CDK7: variants seen among roughly 807,000 people sequenced by gnomAD.
CDK7 encodes the protein cyclin dependent kinase 7, also known as cyclin-dependent kinase 7.
CDK7 carries 25 observed loss-of-function variants against 49.1 expected under a neutral mutation model. The observed-to-expected ratio is 0.51, with a 90% confidence interval of 0.37 to 0.71. The LOEUF (loss-of-function observed/expected upper bound fraction) is 0.71. Ranked by LOEUF, CDK7 falls within the 30% of genes least tolerant of loss-of-function variation. The pLI, the probability that CDK7 is intolerant of heterozygous loss-of-function variation, is 0.00. For missense variants in CDK7, 316 were observed against 411.7 expected (o/e 0.77, Z 2.01); for synonymous variants, 107 against 140.0 (o/e 0.76, Z 1.67).
At chr5:69,269,351 TGTC>T in intron 9 of CDK7, 58 bp downstream of exon 9, 1 of 1,170,876 alleles carries the variant, frequency 8.5e-7, no homozygotes, top group Non-Finnish European at 1.3e-6. Context: ...GTTCTTAAAC[TGTC>T]ATATACTTTA....
At chr5:69,275,888 G>T (rs1752079419) in intron 10 of CDK7, among the ~76,000 whole-genome samples, 1 of 151,994 alleles carries the variant, frequency 6.6e-6, no homozygotes, top group South Asian at 2.1e-4. Flanking sequence ...TTTAATCTTG[G>T]CTTCCATCCC....
Position 69,269,283 on chromosome 5 carries a change from A to C in CDK7, c.704A>C (p.Glu235Ala). Reference protein sequence around the residue: ...IFETLGTPTEEQWPDMCSLPD... With the variant: ...IFETLGTPTEAQWPDMCSLPD... ...GAAACTTTGGGCACACCAACTGAGG[A>C]ACAGTGGCCGGTAAGCCTTTATGCA... is the stretch of plus-strand genomic sequence containing the variant. Residue 235 changes from glutamate (E) to alanine (A), a missense_variant, in exon 9 of 12, where the codon GAA (glutamate) becomes GCA (alanine). Glu to Ala is a moderately radical substitution (Grantham distance 107). Transcript: ENST00000256443. The C allele has an allele frequency of 6.2e-7, 1 of 1,609,412 alleles. No homozygotes were observed. The highest frequency in any genetic ancestry group is 8.5e-7 in the Non-Finnish European group (1 of 1,177,844).
At chr5:69,261,453 G>A (rs1363741353) in intron 7 of CDK7, among the ~76,000 whole-genome samples, 2 of 151,078 alleles carry the variant, frequency 1.3e-5, no homozygotes, top group African/African-American at 4.9e-5. Flanking sequence ...CAGTTTTGAT[G>A]GAATGGTAAG....
intron 8 of CDK7, among the ~76,000 whole-genome samples, chr5:69,267,346 T>A (rs1056934925): frequency 7.2e-6 from 1 of 138,942 alleles, no homozygotes; most frequent in Non-Finnish European, 1.5e-5. Flanking sequence ...TCGCCCAGGC[T>A]GGAGTGCGGT....
At chr5:69,260,724 T>C (rs781619897) in intron 7 of CDK7, among the ~76,000 whole-genome samples, 2 of 152,238 alleles carry the variant, frequency 1.3e-5, no homozygotes, top group Non-Finnish European at 2.9e-5. Flanking sequence ...TCACATTAAA[T>C]AGGAATGATA....
At position 69,272,890 on chromosome 5, in the gene CDK7, A is replaced by G; in HGVS notation, c.715-2A>G. Reference sequence around the variant, plus strand: ...GTTTGAATTACAAAATTATTTTTACAGGACATGTGTAGTCTTCCAGATTAT... The same window carrying G: ...GTTTGAATTACAAAATTATTTTTACGGGACATGTGTAGTCTTCCAGATTAT... On this transcript the variant is annotated splice_acceptor_variant, in intron 9 of 11. Transcript: ENST00000256443. LOFTEE classifies it high-confidence loss of function. The G allele has an allele frequency of 6.4e-7, 1 of 1,551,018 alleles. No individual in the cohort carries two copies.
intron 10 of CDK7, among the ~76,000 whole-genome samples, chr5:69,276,208 T>C (rs1008184184): frequency 1.3e-5 from 2 of 152,118 alleles, no homozygotes; most frequent in Admixed American, 1.3e-4. Flanking sequence ...TTTGTATTTT[T>C]AGTAGAGATG....
intron 1 of CDK7, 25 bp from the exon 2 acceptor site, chr5:69,235,367 TTA>T: frequency 6.6e-7 from 1 of 1,518,750 alleles, no homozygotes; most frequent in Non-Finnish European, 9.1e-7. Flanking sequence ...TCCCATAAAC[TTA>T]TGTTATTTCT....
intron 7 of CDK7, among the ~76,000 whole-genome samples, chr5:69,261,175 A>C (rs931303565): frequency 5.9e-5 from 9 of 152,182 alleles, no homozygotes; most frequent in Admixed American, 2.0e-4. Context: ...GTCACTGAGT[A>C]TAAATCACCT....
intron 2 of CDK7, among the ~76,000 whole-genome samples, chr5:69,243,153 A>G (rs1353046973): frequency 6.6e-6 from 1 of 152,206 alleles, no homozygotes. Flanking sequence ...GATTGTTGTG[A>G]GCTGGTTATC....
In CDK7 at chr5:69,234,898, A is replaced by C; in HGVS notation, c.-78A>C. On this transcript the variant is annotated 5_prime_UTR_variant, in exon 1 of 12. Coordinates refer to ENST00000256443, the MANE Select transcript of CDK7 (RefSeq NM_001799.4). The stretch of plus-strand genomic sequence containing the variant: ...CCCGGTGGACGGAAGTGGGTGTTGG[A>C]GGCTTTAAGGTAGCTTTAAATTCGT... The C allele has an allele frequency of 3.6e-6, 5 of 1,401,146 alleles. No homozygotes were observed. Among genetic ancestry groups the C allele is most frequent in the Non-Finnish European group, 4.9e-6 (5 of 1,011,124 alleles). The allele number at this position is 1,401,146 out of a possible 1,614,324, so 86.8% of individuals were successfully genotyped here. A position where few individuals can be genotyped will look rare whatever the true frequency, so the allele number is the denominator to read the frequency against.
chr5:69,235,129 G>C, intron 1 of CDK7, 88 bp downstream of exon 1: 1 of 1,284,388 alleles, frequency 7.8e-7, no homozygotes, highest in South Asian at 1.3e-5. Flanking sequence ...GGAGGCCAGA[G>C]GTCTGGCTTG....
intron 2 of CDK7, among the ~76,000 whole-genome samples, chr5:69,243,800 T>C (rs974178271): frequency 4.0e-5 from 6 of 150,948 alleles, no homozygotes; most frequent in Non-Finnish European, 7.4e-5. Context: ...GTGTGTTGTC[T>C]TCAATTTCTT....
chr5:69,237,876 G>A (rs1467361071), intron 2 of CDK7, among the ~76,000 whole-genome samples: 1 of 152,072 alleles, frequency 6.6e-6, no homozygotes, highest in South Asian at 2.1e-4. Flanking sequence ...CTAATTGCTG[G>A]GATTACACGT....
At chr5:69,235,109 GT>G in intron 1 of CDK7, 68 bp downstream of exon 1, 1 of 1,466,826 alleles carries the variant, frequency 6.8e-7, no homozygotes, top group Non-Finnish European at 9.4e-7. Context: ...ACCTTTGCGG[GT>G]TTTCCCGTGG....
At chr5:69,259,093 C>T (rs1750665841) in intron 6 of CDK7, among the ~76,000 whole-genome samples, 1 of 150,510 alleles carries the variant, frequency 6.6e-6, no homozygotes, top group South Asian at 2.1e-4. Context: ...AAAAAAAGAA[C>T]ATAGGTCTTT....
At chr5:69,258,559 T>C (rs1750631558) in intron 6 of CDK7, among the ~76,000 whole-genome samples, 1 of 151,958 alleles carries the variant, frequency 6.6e-6, no homozygotes, top group Non-Finnish European at 1.5e-5. Flanking sequence ...TTTTTGTATT[T>C]TTTTAGTAGA....
At chr5:69,257,293 A>G (rs951494572) in intron 5 of CDK7, among the ~76,000 whole-genome samples, 1 of 152,170 alleles carries the variant, frequency 6.6e-6, no homozygotes, top group African/African-American at 2.4e-5. Flanking sequence ...TCATGGAACT[A>G]TACACTAAAA....
chr5:69,235,236 G>A (rs183470726), intron 1 of CDK7, 158 bp from the exon 2 acceptor site: 10 of 759,368 alleles, frequency 1.3e-5, no homozygotes, highest in Admixed American at 4.9e-5. Flanking sequence ...CCTTGCTGAA[G>A]AGTAGCCTGG....
Sources: gnomAD v4.1 joint callset for allele counts (sites outside exome capture counted in the v4.1 genomes callset) on GRCh38, gnomAD v4.1.1 for gene constraint, MANE v1.5 for transcripts, NCBI Gene and HGNC (gene_info 2026-07-23, HGNC 2026-07-21) for gene names.